Variants in NFIB observed in about 807,000 individuals in gnomAD.
NFIB encodes nuclear factor I B, also known as nuclear factor 1 B-type.
In NFIB, 11 loss-of-function variants were observed where a neutral mutation model predicts 61.5. The ratio of observed to expected loss-of-function variants is 0.18; its 90% CI spans 0.11 to 0.30. The LOEUF is 0.30. Among genes scored for constraint, NFIB ranks in the 10% least tolerant of loss-of-function variants. The probability of loss-of-function intolerance (pLI) is 1.00; values close to 1 mark genes in which losing one functional copy is unlikely to be tolerated. For missense variants in NFIB, 471 were observed against 608.9 expected, an observed-to-expected ratio of 0.77 and a Z score of 2.38; for synonymous variants, 260 against 216.5, an observed-to-expected ratio of 1.20 and a Z score of -1.76.
chr9:14,503,458 G>GT, the NFIB span, among the ~76,000 whole-genome samples: 37 of 151,544 alleles, frequency 2.4e-4, no homozygotes, highest in Admixed American at 1.1e-3. Context: ...TCTGTTGTTT[G>GT]TTTTTTTTAA....
intron 1 of NFIB, among the ~76,000 whole-genome samples, chr9:14,323,221 T>G (rs934229525): frequency 2.0e-5 from 3 of 151,968 alleles, no homozygotes; most frequent in East Asian, 1.9e-4. Context: ...GATCAGTAAT[T>G]TAGAAGTGGG....
intron 1 of NFIB, among the ~76,000 whole-genome samples, chr9:14,353,165 G>A (rs1302470315): frequency 1.3e-5 from 2 of 152,136 alleles, no homozygotes; most frequent in African/African-American, 4.8e-5. Context: ...ACTACCAAAG[G>A]CTGTCCTTAG....
chr9:14,129,833 A>G (rs2040187767), intron 6 of NFIB, among the ~76,000 whole-genome samples: 1 of 152,194 alleles, frequency 6.6e-6, no homozygotes, highest in Admixed American at 6.5e-5. Context: ...CATACATAAT[A>G]ATGCATAAGT....
intron 1 of NFIB, among the ~76,000 whole-genome samples, chr9:14,393,464 C>T (rs899909110): frequency 7.2e-5 from 11 of 152,128 alleles, no homozygotes; most frequent in Non-Finnish European, 1.0e-4. Flanking sequence ...GAAGCACAGT[C>T]CTATACTGAA....
chr9:14,352,596 T>A (rs144949435), intron 1 of NFIB, among the ~76,000 whole-genome samples: 75 of 152,350 alleles, frequency 4.9e-4, no homozygotes, highest in African/African-American at 1.8e-3. Context: ...TTGGTGCAAT[T>A]GGACAAGCAA....
At chr9:14,133,369 C>T (rs1213860169) in intron 6 of NFIB, among the ~76,000 whole-genome samples, 2 of 152,068 alleles carry the variant, frequency 1.3e-5, no homozygotes, top group Non-Finnish European at 2.9e-5. Context: ...TTCTGCTTTC[C>T]ATTAAAATGT....
At chr9:14,108,237 T>C (rs946918472) in intron 10 of NFIB, among the ~76,000 whole-genome samples, 3 of 152,142 alleles carry the variant, frequency 2.0e-5, no homozygotes, top group Admixed American at 6.6e-5. Flanking sequence ...GCCCAAGTGT[T>C]GATAGCCTGC....
intron 2 of NFIB, among the ~76,000 whole-genome samples, chr9:14,229,156 T>A (rs751977313): frequency 2.0e-5 from 3 of 152,158 alleles, no homozygotes; most frequent in Admixed American, 6.5e-5. Context: ...CACGTACAGG[T>A]AATCTCCAAC....
chr9:14,316,388 C>T (rs1440022373), upstream of NFIB, among the ~76,000 whole-genome samples: 1 of 152,186 alleles, frequency 6.6e-6, no homozygotes, highest in Non-Finnish European at 1.5e-5. Context: ...GCTGCTGGGA[C>T]TAGGAAGACA....
At chr9:14,328,930 A>G (rs1328461321) in intron 1 of NFIB, among the ~76,000 whole-genome samples, 1 of 152,200 alleles carries the variant, frequency 6.6e-6, no homozygotes, top group East Asian at 1.9e-4. Flanking sequence ...TGAAAAATCT[A>G]GATATTTTGC....
At position 14,253,508 on chromosome 9, in the gene NFIB, C is replaced by T. The variant is rs575813191; in HGVS notation, c.562+53481G>A. On this transcript the variant is annotated intron_variant, in intron 2 of 10. Coordinates refer to ENST00000380953, the MANE Select transcript of NFIB (RefSeq NM_001190737.2). ...GGAAAAAAGCAAGTGAGATTTCGAT[C>T]CTTTGGCAATGAAGAAATAATGCAC... 1.3e-5 allele frequency among the ~76,000 whole-genome samples: 2 copies of T among 152,142 alleles called. 1 individual carries two copies. Among genetic ancestry groups the T allele is most frequent in the Non-Finnish European group, 2.9e-5 (2 of 68,042 alleles).
chr9:14,464,423 C>T, the NFIB span, among the ~76,000 whole-genome samples: 2 of 152,076 alleles, frequency 1.3e-5, no homozygotes, highest in African/African-American at 2.4e-5. Context: ...CAAACCTAGA[C>T]GGTGCACATT....
At chr9:14,505,217 G>A in the NFIB span, among the ~76,000 whole-genome samples, 1 of 152,114 alleles carries the variant, frequency 6.6e-6, no homozygotes, top group East Asian at 1.9e-4. Context: ...GGTTTTCTAG[G>A]TATATGATCT....
At chr9:14,528,758 T>C in the NFIB span, among the ~76,000 whole-genome samples, 1 of 152,162 alleles carries the variant, frequency 6.6e-6, no homozygotes, top group African/African-American at 2.4e-5. Flanking sequence ...GAGCTTTAAA[T>C]GTGAAGTACA....
intron 1 of NFIB, among the ~76,000 whole-genome samples, chr9:14,333,305 G>A (rs1223487702): frequency 6.6e-6 from 1 of 152,164 alleles, no homozygotes; most frequent in African/African-American, 2.4e-5. Flanking sequence ...ATCACCCAAG[G>A]TCAATAGCTT....
chr9:14,192,858 G>A (rs373871473), intron 2 of NFIB, among the ~76,000 whole-genome samples: 12 of 151,846 alleles, frequency 7.9e-5, no homozygotes, highest in African/African-American at 1.9e-4. Flanking sequence ...TGGACTATCT[G>A]GTAGTTTATT....
the NFIB span, among the ~76,000 whole-genome samples, chr9:14,450,939 C>T: frequency 6.6e-6 from 1 of 152,224 alleles, no homozygotes; most frequent in African/African-American, 2.4e-5. Flanking sequence ...GCTTTGAATA[C>T]ATTTTCAGGG....
At chr9:14,233,807 T>G (rs1270069687) in intron 2 of NFIB, among the ~76,000 whole-genome samples, 2 of 152,190 alleles carry the variant, frequency 1.3e-5, no homozygotes, top group African/African-American at 4.8e-5. Context: ...AAGACAAAAT[T>G]AACTAGTAGT....
chr9:14,236,850 TAA>T (rs74393926), intron 2 of NFIB, among the ~76,000 whole-genome samples: 42 of 145,146 alleles, frequency 2.9e-4, no homozygotes, highest in African/African-American at 8.6e-4. Context: ...GGCTTCTCTT[TAA>T]AAAAAAAAAA....
Sources: allele counts gnomAD v4.1 joint callset (sites outside exome capture counted in the v4.1 genomes callset), GRCh38; gene constraint gnomAD v4.1.1; transcripts MANE v1.5; gene names NCBI Gene and HGNC (gene_info 2026-07-23, HGNC 2026-07-21).